The following GPC4 variants were observed in gnomAD, a reference collection of about 807,000 sequenced individuals.
GPC4 encodes glypican-4.
Under a neutral mutation model 35.0 loss-of-function variants are expected in GPC4, and 10 were observed. The ratio of observed to expected loss-of-function variants is 0.29; its 90% CI spans 0.18 to 0.48. GPC4 has a LOEUF of 0.48. Ranked by LOEUF, GPC4 falls within the 20% of genes least tolerant of loss-of-function variation. The pLI, the probability that GPC4 is intolerant of heterozygous loss-of-function variation, is 0.99. For synonymous variants in GPC4, 167 were observed against 170.2 expected (o/e 0.98, Z 0.15); for missense variants, 322 against 451.3 (o/e 0.71, Z 2.60).
At chrX:133,377,883 T>G (rs1463124232) in intron 1 of GPC4, among the ~76,000 whole-genome samples, 1 of 106,959 alleles carries the variant, frequency 9.3e-6, no homozygotes, top group African/African-American at 3.4e-5. Flanking sequence ...TTTTCTTTTT[T>G]TTTTTCTTTT....
intron 1 of GPC4, among the ~76,000 whole-genome samples, chrX:133,365,136 T>A (rs937484456): frequency 1.8e-5 from 2 of 111,456 alleles, no homozygotes; most frequent in Non-Finnish European, 3.8e-5. Context: ...GCCAAGTAAG[T>A]TTTTTTTGTT....
chrX:133,364,208 A>G (rs1265737072), intron 1 of GPC4, among the ~76,000 whole-genome samples: 1 of 111,999 alleles, frequency 8.9e-6, no homozygotes, highest in Non-Finnish European at 1.9e-5. Flanking sequence ...ACCCTTTTAG[A>G]ACACTAAAAT....
At chrX:133,344,884 T>C (rs1301091949) in intron 1 of GPC4, among the ~76,000 whole-genome samples, 1 of 112,250 alleles carries the variant, frequency 8.9e-6, no homozygotes, top group Non-Finnish European at 1.9e-5. Flanking sequence ...CAAATGCCTA[T>C]GGTAAATAAG....
chrX:133,342,992 A>G (rs920700785), intron 1 of GPC4, among the ~76,000 whole-genome samples: 1 of 111,629 alleles, frequency 9.0e-6, no homozygotes, highest in African/African-American at 3.3e-5. Flanking sequence ...CGGTGATCTT[A>G]TATTCTTCTC....
chrX:133,414,555 G>A, intron 1 of GPC4: 5 of 754,278 alleles, frequency 6.6e-6, no homozygotes, highest in Non-Finnish European at 7.8e-6. Flanking sequence ...CGCGACAGTC[G>A]CACTGGGCAA....
intron 1 of GPC4, among the ~76,000 whole-genome samples, chrX:133,369,272 G>T (rs1369426328): frequency 1.8e-5 from 2 of 111,435 alleles, no homozygotes; most frequent in Admixed American, 1.9e-4. Flanking sequence ...TCTGAGAGAG[G>T]TTATGACCCT....
intron 1 of GPC4, among the ~76,000 whole-genome samples, chrX:133,343,094 T>TG (rs924779623): frequency 9.0e-6 from 1 of 111,616 alleles, no homozygotes; most frequent in African/African-American, 3.3e-5. Context: ...ACAGCCACTG[T>TG]GGGGGTAGCA....
At chrX:133,364,123 C>T (rs1399162277) in intron 1 of GPC4, among the ~76,000 whole-genome samples, 2 of 111,946 alleles carry the variant, frequency 1.8e-5, no homozygotes, top group Non-Finnish European at 3.8e-5. Flanking sequence ...CTTTTGGCAA[C>T]TGTGACTAAT....
chrX:133,384,201 CCTTTTT>C (rs2068677401), intron 1 of GPC4, among the ~76,000 whole-genome samples: 1 of 111,565 alleles, frequency 9.0e-6, no homozygotes, highest in African/African-American at 3.3e-5. Flanking sequence ...AGCCATACAG[CCTTTTT>C]CTTTTTCTTT....
rs2068262752 is a variant in GPC4, at chrX:133,300,326, T to C, written c.*2541A>G. On this transcript the variant is annotated 3_prime_UTR_variant, in exon 9 of 9. Transcript: ENST00000370828. ...TCTTTAAGGTACAGAGTAGGTGATGTGTTTTAAAGAAAAATAATTTATAAA... is the reference window on the plus strand; with the variant it reads ...TCTTTAAGGTACAGAGTAGGTGATGCGTTTTAAAGAAAAATAATTTATAAA... 8.9e-6 allele frequency: 1 copy of C among 112,659 alleles called. No individual in the cohort carries two copies. 9.3% of individuals were successfully genotyped at this position (112,659 alleles called of 1,213,427 possible).
intron 1 of GPC4, 29 bp downstream of exon 1, chrX:133,414,777 G>A: frequency 1.7e-6 from 2 of 1,203,971 alleles, no homozygotes; most frequent in Non-Finnish European, 2.2e-6. Flanking sequence ...GTCGGTCTCT[G>A]CGCCCACCTC....
At chrX:133,335,458 T>TACACACAC (rs927774738) in intron 2 of GPC4, among the ~76,000 whole-genome samples, 1 of 109,499 alleles carries the variant, frequency 9.1e-6, no homozygotes, top group Admixed American at 9.8e-5. Context: ...CACACACACA[T>TACACACAC]ACACACACAC....
intron 1 of GPC4, among the ~76,000 whole-genome samples, chrX:133,378,603 A>G (rs886429870): frequency 2.6e-4 from 28 of 108,542 alleles, no homozygotes; most frequent in Non-Finnish European, 4.0e-4. Context: ...AAAAAAAAAA[A>G]GAAATCCCAT....
chrX:133,313,899 G>T (rs2068326493), intron 3 of GPC4, among the ~76,000 whole-genome samples: 1 of 112,121 alleles, frequency 8.9e-6, no homozygotes, highest in Admixed American at 9.5e-5. Context: ...ACATTGATGA[G>T]ACTGCAAAAT....
intron 1 of GPC4, among the ~76,000 whole-genome samples, chrX:133,407,875 G>A (rs1373420305): frequency 8.9e-6 from 1 of 112,309 alleles, no homozygotes; most frequent in African/African-American, 3.2e-5. Context: ...TTGATGTCTG[G>A]CACACATTTA....
At chrX:133,346,168 C>CA (rs2068490529) in intron 1 of GPC4, among the ~76,000 whole-genome samples, 1 of 111,548 alleles carries the variant, frequency 9.0e-6, no homozygotes, top group Non-Finnish European at 1.9e-5. Flanking sequence ...AATTTTCCTC[C>CA]TGCCATGCAG....
intron 1 of GPC4, among the ~76,000 whole-genome samples, chrX:133,363,855 A>T (rs931634770): frequency 5.4e-5 from 6 of 111,411 alleles, no homozygotes; most frequent in Non-Finnish European, 1.1e-4. Flanking sequence ...CACACACACC[A>T]GCCCTGGGCA....
chrX:133,413,640 C>CG, intron 1 of GPC4, among the ~76,000 whole-genome samples: 1 of 105,354 alleles, frequency 9.5e-6, no homozygotes, highest in African/African-American at 3.6e-5. Context: ...GCCCCCCCCC[C>CG]GGGCTCGAAT....
intron 1 of GPC4, among the ~76,000 whole-genome samples, chrX:133,365,365 C>T (rs183699584): frequency 3.6e-5 from 4 of 111,948 alleles, no homozygotes; most frequent in Admixed American, 1.9e-4. Flanking sequence ...TATTGAGTAA[C>T]TAGAATACAT....
Sources: allele counts gnomAD v4.1 joint callset (sites outside exome capture counted in the v4.1 genomes callset), GRCh38; gene constraint gnomAD v4.1.1; transcripts MANE v1.5; gene names NCBI Gene and HGNC (gene_info 2026-07-23, HGNC 2026-07-21).